The following METTL3 variants were observed in gnomAD, a reference collection of about 807,000 sequenced individuals.
METTL3 encodes the protein methyltransferase 3, N6-adenosine-methyltransferase complex catalytic subunit, also known as N(6)-adenosine-methyltransferase catalytic subunit METTL3.
In METTL3, 42 loss-of-function variants were observed where a neutral mutation model predicts 64.3. The observed-to-expected ratio is 0.65, with a 90% CI of 0.51 to 0.84. The LOEUF is 0.84. Ranked by LOEUF, METTL3 falls within the 40% of genes least tolerant of loss-of-function variation. The probability of loss-of-function intolerance (pLI) is 0.00; values close to 1 mark genes in which losing one functional copy is unlikely to be tolerated. For missense variants in METTL3, 435 were observed against 722.3 expected, an observed-to-expected ratio of 0.60 and a Z score of 4.56; for synonymous variants, 256 against 263.6, an observed-to-expected ratio of 0.97 and a Z score of 0.28.
In METTL3 at chr14:21,498,987, A is replaced by G. The variant is rs375110969; in HGVS notation, c.1631+38T>C. ...AGTTCTGTCCTTAATCATAAATAAT[A>G]GCCCCTTGAGGACTAGCCTGTTCTC... On this transcript the variant is annotated intron_variant, in intron 10 of 10. Transcript: ENST00000298717. 14 of 1,366,004 alleles carry G rather than the reference A, an allele frequency of 1.0e-5. No individual in the cohort carries two copies. In the African/African-American group the frequency reaches 1.4e-4, roughly 14 times the overall value. The allele number at this position is 1,366,004 out of a possible 1,614,324, so 84.6% of individuals were successfully genotyped here. A position where few individuals can be genotyped will look rare whatever the true frequency, so the allele number is the denominator to read the frequency against.
chr14:21,499,598 T>C lies in METTL3; in HGVS notation c.1346A>G (p.Tyr449Cys). The change falls in exon 8 of 11, where the codon TAT becomes TGT. Residue 449 changes from tyrosine to cysteine, a missense_variant and splice_region_variant. By Grantham distance (194) the Tyr-to-Cys change is radical. Transcript: ENST00000298717. The part of the protein sequence containing the change: ...LGRECLNLWG[Y>C]ERVDEIIWVK... The stretch of plus-strand genomic sequence containing the variant: ...CCAAATAATTTCATCTACCCGTTCA[T>C]ACCTGTGGGGCATAAAAAAGAACTA... 1 of 1,613,500 alleles carries C rather than the reference T, an allele frequency of 6.2e-7. No homozygotes were observed. The highest frequency in any genetic ancestry group is 8.5e-7 in the Non-Finnish European group (1 of 1,179,384).
At chr14:21,501,222 C>T (rs750884838) in intron 4 of METTL3, 93 bp from the exon 5 acceptor site, 5 of 957,974 alleles carry the variant, frequency 5.2e-6, no homozygotes, top group Non-Finnish European at 7.8e-6. Flanking sequence ...TATTTTATTA[C>T]CCTCCCCTAA....
At chr14:21,511,072 T>G in intron 1 of METTL3, 52 bp downstream of exon 1, 1 of 1,592,394 alleles carries the variant, frequency 6.3e-7, no homozygotes, top group Admixed American at 1.8e-5. Flanking sequence ...TCTCTAGGGA[T>G]CCCGCCCGTC....
intron 1 of METTL3, chr14:21,508,052 C>T (rs1186640827): frequency 6.6e-6 from 1 of 151,582 alleles, no homozygotes; most frequent in Admixed American, 6.6e-5. Flanking sequence ...CCCAAGAGTC[C>T]AAGACCAGCC....
Position 21,500,473 on chromosome 14 carries a change from C to T in METTL3, c.1304+22G>A, listed in dbSNP as rs778690413. On this transcript the variant is annotated intron_variant, in intron 6 of 10. Transcript: ENST00000298717. Reference sequence around the variant, plus strand: ...ACTCTTGTACTGTATCTGTCCATACCTACGTAACTGAATTGCATTACCTGC... The same window carrying T: ...ACTCTTGTACTGTATCTGTCCATACTTACGTAACTGAATTGCATTACCTGC... 1.5e-5 allele frequency: 24 copies of T among 1,612,186 alleles called. No individual in the cohort carries two copies. The East Asian group carries it at 5.1e-4, about 34-fold the overall frequency.
chr14:21,505,712 T>C (rs1410194464), intron 1 of METTL3, among the ~76,000 whole-genome samples: 1 of 152,204 alleles, frequency 6.6e-6, no homozygotes, highest in African/African-American at 2.4e-5. Flanking sequence ...GTCCAGAAAA[T>C]GATAAGAATC....
chr14:21,498,708 T>C (rs1434830951), intron 10 of METTL3: 8 of 463,302 alleles, frequency 1.7e-5, no homozygotes, highest in African/African-American at 1.2e-4. Flanking sequence ...GATGTAATTA[T>C]TGACAGATTA....
At chr14:21,502,007 ATC>A in intron 3 of METTL3, 104 bp from the exon 4 acceptor site, 1 of 834,162 alleles carries the variant, frequency 1.2e-6, no homozygotes, top group East Asian at 2.9e-5. Context: ...TAAGAGATAA[ATC>A]AACTTTTTTT....
At chr14:21,500,335 G>C (rs1424729779) in intron 6 of METTL3, among the ~76,000 whole-genome samples, 160 bp downstream of exon 6, 1 of 150,142 alleles carries the variant, frequency 6.7e-6, no homozygotes, top group African/African-American at 2.5e-5. Context: ...CTGCACTCCA[G>C]CCTAAGCAAC....
chr14:21,500,812 A>G, intron 5 of METTL3, 101 bp downstream of exon 5: 2 of 1,426,858 alleles, frequency 1.4e-6, no homozygotes, highest in Non-Finnish European at 1.9e-6. Context: ...CCAATAAGCA[A>G]GACAAGATTG....
chr14:21,503,315 A>G lies in METTL3; in HGVS notation c.581T>C (p.Leu194Ser), dbSNP rs764945707. ...STTVAAFASS[L>S]VSGLNSSASE... The stretch of plus-strand genomic sequence containing the variant: ...TGCTGAAGAGTTCAGACCAGAGACT[A>G]ACGAACTGGCAAAGGCAGCTACTGT... Residue 194 changes from leucine (L) to serine (S), a missense_variant, in exon 3 of 11, where the codon TTA becomes TCA. Physicochemically the swap from Leu to Ser is moderately radical, Grantham distance 145 (BLOSUM62 -2). Around this residue, in one of 9 missense-constraint regions of METTL3, gnomAD observed 228 missense variants for 279.6 expected, o/e 0.82. Coordinates refer to ENST00000298717, the MANE Select transcript of METTL3 (RefSeq NM_019852.5). 6.2e-7 allele frequency: 1 copy of G among 1,614,152 alleles called. No homozygotes were observed. Among genetic ancestry groups the G allele is most frequent in the Non-Finnish European group, 8.5e-7 (1 of 1,180,026 alleles).
rs375954631 is a variant in METTL3, at chr14:21,499,840, A to G, written c.1305-38T>C. 8 of 1,601,454 alleles carry G rather than the reference A, an allele frequency of 5.0e-6. No individual in the cohort carries two copies. In the African/African-American group the frequency reaches 8.1e-5, roughly 16 times the overall value. On this transcript the variant is annotated intron_variant, in intron 6 of 10. Transcript: ENST00000298717. Reference sequence around the variant, plus strand: ...GAGTTAAACAACTATTTGTATGCCCATATTTTTTTTCCCTTCAAAATATGT... The same window carrying G: ...GAGTTAAACAACTATTTGTATGCCCGTATTTTTTTTCCCTTCAAAATATGT...
intron 6 of METTL3, among the ~76,000 whole-genome samples, chr14:21,500,044 A>C (rs2139640414): frequency 6.6e-6 from 1 of 152,310 alleles, no homozygotes; most frequent in East Asian, 1.9e-4. Flanking sequence ...TTTGCATTGT[A>C]AACAGGCATT....
chr14:21,502,664 C>G (rs777581475), intron 3 of METTL3: 2 of 155,666 alleles, frequency 1.3e-5, no homozygotes, highest in African/African-American at 2.4e-5. Flanking sequence ...TTCAAACTCA[C>G]GCACTAGAAG....
chr14:21,499,915 A>G (rs190754232), intron 6 of METTL3, 113 bp from the exon 7 acceptor site: 1,701 of 913,136 alleles, frequency 1.9e-3, no homozygotes, highest in Non-Finnish European at 2.7e-3. Flanking sequence ...CTCAGTGAAC[A>G]TTTACATGCA....
intron 5 of METTL3, 39 bp downstream of exon 5, chr14:21,500,874 G>A: frequency 1.9e-6 from 3 of 1,582,026 alleles, no homozygotes; most frequent in Non-Finnish European, 2.6e-6. Context: ...TCAAACATAA[G>A]TCCGTAAGTT....
chr14:21,504,302 TCAA>T, intron 1 of METTL3: 1 of 181,004 alleles, frequency 5.5e-6, no homozygotes, highest in Non-Finnish European at 1.2e-5. Context: ...AGGCCACTGA[TCAA>T]CAAAGTGTAC....
chr14:21,509,797 CA>C (rs1891786133), intron 1 of METTL3, among the ~76,000 whole-genome samples: 1 of 151,986 alleles, frequency 6.6e-6, no homozygotes, highest in Non-Finnish European at 1.5e-5. Context: ...CATAACAAAA[CA>C]AAAAATTGTA....
At chr14:21,500,718 T>C (rs775411766) in intron 5 of METTL3, 36 bp from the exon 6 acceptor site, 2 of 1,581,998 alleles carry the variant, frequency 1.3e-6, no homozygotes, top group African/African-American at 1.3e-5. Flanking sequence ...TTCCCTACTT[T>C]AACTCTGAGA....
Sources: allele counts gnomAD v4.1 joint callset (sites outside exome capture counted in the v4.1 genomes callset), GRCh38; gene constraint gnomAD v4.1.1; regional missense constraint gnomAD v4.1.1; transcripts MANE v1.5; gene names NCBI Gene and HGNC (gene_info 2026-07-23, HGNC 2026-07-21).